Variants in SLIT3 observed in about 807,000 individuals in gnomAD.
SLIT3 encodes slit homolog 3 protein.
Under a neutral mutation model 184.0 loss-of-function variants are expected in SLIT3, and 68 were observed. The observed-to-expected ratio is 0.37, with a 90% CI of 0.30 to 0.45. SLIT3 has a LOEUF of 0.45. Ranked by LOEUF, SLIT3 falls within the 20% of genes least tolerant of loss-of-function variation. The pLI is 1.00. For synonymous variants in SLIT3, 831 were observed against 828.6 expected (o/e 1.00, Z -0.05); for missense variants, 1,707 against 2,026.0 (o/e 0.84, Z 3.02).
chr5:169,113,658 C>CTTTTTTT (rs869209479), intron 4 of SLIT3, among the ~76,000 whole-genome samples: 5 of 131,384 alleles, frequency 3.8e-5, no homozygotes, highest in Non-Finnish European at 4.8e-5. Context: ...TTTTCTTTTT[C>CTTTTTTT]TTTTTTTTTT....
chr5:168,744,317 C>T (rs144062745), intron 20 of SLIT3, among the ~76,000 whole-genome samples: 2 of 152,198 alleles, frequency 1.3e-5, no homozygotes, highest in South Asian at 4.1e-4. Flanking sequence ...ACAAAAGAAG[C>T]TATCTTCATA....
intron 5 of SLIT3, among the ~76,000 whole-genome samples, chr5:168,857,248 T>C (rs1758916231): frequency 6.6e-6 from 1 of 152,182 alleles, no homozygotes; most frequent in Non-Finnish European, 1.5e-5. Context: ...ATTCCTTCCC[T>C]GATTCCAAAA....
chr5:168,990,458 C>T (rs1318562262), intron 4 of SLIT3, among the ~76,000 whole-genome samples: 2 of 152,184 alleles, frequency 1.3e-5, no homozygotes, highest in African/African-American at 2.4e-5. Context: ...CTCACTCTAC[C>T]TTTCATGACC....
chr5:168,761,422 T>C (rs972517696), intron 15 of SLIT3, among the ~76,000 whole-genome samples: 1 of 152,058 alleles, frequency 6.6e-6, no homozygotes, highest in African/African-American at 2.4e-5. Context: ...CTCTGATGAC[T>C]TGTGAAATTA....
At position 169,000,220 on chromosome 5, in the gene SLIT3, C is replaced by T. The variant is rs368761038; in HGVS notation, c.414-116884G>A. ...CATTCTGGCCAACATGGTGAAACCT[C>T]GTTTCTACTAAAAATACAAAAATTA... On this transcript the variant is annotated intron_variant, in intron 4 of 35. Transcript: ENST00000519560. Among the ~76,000 whole-genome samples, 35 of 151,766 alleles carry T rather than the reference C, an allele frequency of 2.3e-4. 1 individual carries two copies. Among genetic ancestry groups the T allele is most frequent in the East Asian group, 7.8e-4 (4 of 5,148 alleles).
Position 168,676,163 on chromosome 5 carries a change from T to TTCCATCCATCCATCCA in SLIT3, c.3687-2848_3687-2833dup, listed in dbSNP as rs113432099. Reference sequence around the variant, plus strand: ...CCCACCTACTTATTTATCTACTCTCTTCCATCCATCCATCCATCCATCCAT... The same window carrying TTCCATCCATCCATCCA: ...CCCACCTACTTATTTATCTACTCTCTTCCATCCATCCATCCATCCATCCATCCATCCATCCATCCAT... On this transcript the variant is annotated intron_variant, in intron 32 of 35. Transcript: ENST00000519560. 3.3e-4 allele frequency among the ~76,000 whole-genome samples: 50 copies of TTCCATCCATCCATCCA among 150,314 alleles called. 1 individual carries two copies. In the South Asian group the frequency reaches 8.9e-3, roughly 27 times the overall value.
chr5:169,105,378 A>G (rs1008813476), intron 4 of SLIT3, among the ~76,000 whole-genome samples: 1 of 152,184 alleles, frequency 6.6e-6, no homozygotes, highest in Non-Finnish European at 1.5e-5. Flanking sequence ...TTTTAAACCA[A>G]CGAAATACCC....
intron 1 of SLIT3, among the ~76,000 whole-genome samples, chr5:169,258,331 A>G (rs989299706): frequency 2.6e-5 from 4 of 152,148 alleles, no homozygotes. Flanking sequence ...AACATAATAG[A>G]ATTTCCCACT....
At chr5:168,904,168 G>A (rs888214751) in intron 4 of SLIT3, among the ~76,000 whole-genome samples, 1 of 152,098 alleles carries the variant, frequency 6.6e-6, no homozygotes, top group African/African-American at 2.4e-5. Context: ...CTGAGTAGGG[G>A]GAGACAATGA....
At chr5:168,666,972 A>AACTAG in intron 35 of SLIT3, among the ~76,000 whole-genome samples, 1 of 152,278 alleles carries the variant, frequency 6.6e-6, no homozygotes, top group African/African-American at 2.4e-5. Context: ...TCAAAACTAA[A>AACTAG]ACTAGATGAC....
At chr5:168,729,389 A>G (rs1250799841) in intron 20 of SLIT3, among the ~76,000 whole-genome samples, 2 of 152,134 alleles carry the variant, frequency 1.3e-5, no homozygotes, top group Non-Finnish European at 2.9e-5. Context: ...TAAAATTAGC[A>G]AGAGAAAAGC....
chr5:168,918,711 T>C (rs1482024818), intron 4 of SLIT3, among the ~76,000 whole-genome samples: 1 of 152,204 alleles, frequency 6.6e-6, no homozygotes, highest in African/African-American at 2.4e-5. Context: ...TTCTTAAAGT[T>C]CTTCAGGAAA....
chr5:169,212,014 T>A (rs12517296), intron 3 of SLIT3, among the ~76,000 whole-genome samples: 1 of 152,142 alleles, frequency 6.6e-6, no homozygotes, highest in South Asian at 2.1e-4. Flanking sequence ...CTTTATCCAG[T>A]GTATCATTGA....
chr5:169,260,469 A>G (rs976826558), intron 1 of SLIT3, among the ~76,000 whole-genome samples: 1 of 152,188 alleles, frequency 6.6e-6, no homozygotes. Context: ...CTGAGAGCTC[A>G]CCCACGTTAG....
At chr5:168,666,996 C>T (rs189044601) in intron 35 of SLIT3, among the ~76,000 whole-genome samples, 1 of 152,160 alleles carries the variant, frequency 6.6e-6, no homozygotes, top group Non-Finnish European at 1.5e-5. Flanking sequence ...AACTGATAGA[C>T]TGTGGGCCAA....
chr5:169,023,642 T>G (rs977977996), intron 4 of SLIT3: 2 of 152,122 alleles, frequency 1.3e-5, no homozygotes, highest in Admixed American at 6.6e-5. Context: ...GCTCTCACTC[T>G]TCTGTTATCT....
chr5:168,978,843 C>A (rs1754852625), intron 4 of SLIT3, among the ~76,000 whole-genome samples: 1 of 151,828 alleles, frequency 6.6e-6, no homozygotes. Context: ...AACATTCTCT[C>A]CCTCCTCCAT....
At chr5:168,975,524 C>T (rs1754723127) in intron 4 of SLIT3, among the ~76,000 whole-genome samples, 1 of 152,080 alleles carries the variant, frequency 6.6e-6, no homozygotes, top group Non-Finnish European at 1.5e-5. Context: ...CACAGCCACA[C>T]ATGGGCACGT....
At chr5:168,775,351 C>A (rs1301479229) in intron 12 of SLIT3, among the ~76,000 whole-genome samples, 1 of 152,108 alleles carries the variant, frequency 6.6e-6, no homozygotes, top group African/African-American at 2.4e-5. Context: ...ACTGCATTTT[C>A]ATTCCTCAGA....
Sources: gnomAD v4.1 joint callset for allele counts (sites outside exome capture counted in the v4.1 genomes callset) on GRCh38, gnomAD v4.1.1 for gene constraint, MANE v1.5 for transcripts, NCBI Gene and HGNC (gene_info 2026-07-23, HGNC 2026-07-21) for gene names.